The following ERI2 variants were observed in gnomAD, a reference collection of about 807,000 sequenced individuals.
ERI2 encodes ERI1 exoribonuclease 2.
In ERI2, 35 loss-of-function variants were observed where a neutral mutation model predicts 46.8. The ratio of observed to expected loss-of-function variants is 0.75; its 90% CI spans 0.57 to 0.99. The LOEUF is 0.99. Ranked by LOEUF, ERI2 falls within the 50% of genes least tolerant of loss-of-function variation. ERI2 has a pLI of 0.00. For missense variants in ERI2, 695 were observed against 796.2 expected (o/e 0.87, Z 1.53); for synonymous variants, 224 against 271.0 (o/e 0.83, Z 1.70).
intron 7 of ERI2, 39 bp from the exon 8 acceptor site, chr16:20,799,390 T>C (rs1283004182): frequency 1.3e-6 from 2 of 1,577,382 alleles, no homozygotes; most frequent in South Asian, 2.3e-5. Flanking sequence ...TTAGTGGTAC[T>C]AGTACTATTT....
rs749367485 is a variant in ERI2 at position 20,803,445 on chromosome 16, T to G, written c.163A>C (p.Ser55Arg). 3.1e-6 allele frequency: 5 copies of G among 1,613,974 alleles called. No individual in the cohort carries two copies. In the Admixed American group the frequency reaches 8.3e-5, roughly 27 times the overall value. Residue 55 changes from serine (S) to arginine (R), a missense_variant, in exon 3 of 9, where the codon AGC (serine) becomes CGC (arginine). By Grantham distance (110) the Ser-to-Arg change is moderately radical. Coordinates refer to ENST00000357967, the MANE Select transcript of ERI2 (RefSeq NM_001142725.2). ...TCWNDGKHHH[S>R]QEIIEFPAVL... ...AGCCCAGACTTACTTATTTCCTGGC[T>G]ATGGTGGTGCTTCCCATCATTCCAG... is the stretch of plus-strand genomic sequence containing the variant.
At chr16:20,781,744 G>C in intron 10 of ERI2, 1 of 1,613,390 alleles carries the variant, frequency 6.2e-7, no homozygotes, top group Non-Finnish European at 8.5e-7. Flanking sequence ...CTTCTGTTCA[G>C]CACCAACTGT....
At chr16:20,793,319 A>C (rs1462670983), downstream of ERI2, among the ~76,000 whole-genome samples, 2 of 152,060 alleles carry the variant, frequency 1.3e-5, no homozygotes, top group Non-Finnish European at 2.9e-5. Context: ...AAATACAAAA[A>C]TTAGCCAGGC....
At chr16:20,787,379 G>A (rs368479792) in intron 10 of ERI2, among the ~76,000 whole-genome samples, 1 of 152,180 alleles carries the variant, frequency 6.6e-6, no homozygotes, top group Non-Finnish European at 1.5e-5. Flanking sequence ...CCATCTGTAC[G>A]TTAAGAGACA....
rs2080730795 is a variant in ERI2 at position 20,796,715 on chromosome 16, A to C, written c.*1009T>G. 1 of 1,486,252 alleles carries C rather than the reference A, an allele frequency of 6.7e-7. No individual in the cohort carries two copies. 92.1% of individuals were successfully genotyped at this position (1,486,252 alleles called of 1,614,324 possible). On this transcript the variant is annotated 3_prime_UTR_variant, in exon 9 of 9. Transcript: ENST00000357967. ...GGACTCACAGTAAATACTTAATATC[A>C]AGACAACTTTCCTAACAATACCCTT...
At chr16:20,801,086 C>G (rs1378471395) in intron 5 of ERI2, 117 bp downstream of exon 5, 29 of 978,592 alleles carry the variant, frequency 3.0e-5, no homozygotes, top group Non-Finnish European at 3.9e-5. Flanking sequence ...ATTTTTTTTC[C>G]TAGCCCAGAA....
At chr16:20,803,085 T>A (rs1266084398) in intron 3 of ERI2, among the ~76,000 whole-genome samples, 162 bp from the exon 4 acceptor site, 2 of 152,228 alleles carry the variant, frequency 1.3e-5, no homozygotes, top group South Asian at 2.1e-4. Context: ...TATAATAAAG[T>A]TATGCTAAAG....
Position 20,786,171 on chromosome 16 carries a change from C to T in ERI2, c.894+3308G>A, listed in dbSNP as rs1261231413. On this transcript the variant is annotated intron_variant, in intron 10 of 10. Coordinates refer to the ERI2 transcript ENST00000300005. ...TTTCGATGTTAAGGTTTGCACATCC[C>T]CTTCCAGGAGAATGTTTAACAACCC... is the stretch of plus-strand genomic sequence containing the variant. 13 of 1,607,992 alleles carry T rather than the reference C, an allele frequency of 8.1e-6. No homozygotes were observed. The Admixed American group carries it at 2.2e-4, about 27-fold the overall frequency.
chr16:20,780,630 G>T, exon 11 of ERI2: 1 of 1,613,372 alleles, frequency 6.2e-7, no homozygotes. Context: ...AGAGGTTCAA[G>T]TGGAGAGCTT....
downstream of ERI2, among the ~76,000 whole-genome samples, chr16:20,794,308 G>C (rs2080671504): frequency 6.6e-6 from 1 of 152,140 alleles, no homozygotes; most frequent in African/African-American, 2.4e-5. Context: ...TAGATCACTA[G>C]GTTCTTAAAT....
At position 20,797,914 on chromosome 16, in the gene ERI2, T is replaced by C. The variant is rs1043557205; in HGVS notation, c.1886A>G (p.Glu629Gly). Reference sequence around the variant, plus strand: ...GAAATAACCACAACATTTTCTGTTTTCTTGGTATTTCCCGATAGGGCAACA... The same window carrying C: ...GAAATAACCACAACATTTTCTGTTTCCTTGGTATTTCCCGATAGGGCAACA... ...FYCCPIGKYQENRKCCGYFKW... is the reference protein window; with the variant it reads ...FYCCPIGKYQGNRKCCGYFKW... The change falls in exon 9 of 9, where the codon GAA becomes GGA. Residue 629 changes from glutamate to glycine, a missense_variant. Glu to Gly is a moderately conservative substitution (Grantham distance 98, BLOSUM62 -2). Transcript: ENST00000357967. 6.4e-7 allele frequency: 1 copy of C among 1,551,778 alleles called. No homozygotes were observed. Among genetic ancestry groups the C allele is most frequent in the Non-Finnish European group, 8.7e-7 (1 of 1,146,962 alleles).
Position 20,800,335 on chromosome 16 carries a change from TA to T in ERI2, c.527del (p.Leu176Ter), listed in dbSNP as rs1410191736. On this transcript the variant is annotated frameshift_variant, in exon 6 of 9. Coordinates refer to ENST00000357967, the MANE Select transcript of ERI2 (RefSeq NM_001142725.2). LOFTEE classifies it high-confidence loss of function. ...KRKQLLKPVF[L>X]NSWIDLRATY... The stretch of plus-strand genomic sequence containing the variant: ...TTGCTCTGAGATCAATCCAAGAATT[TA>T]AAAACACAGGTTTTAACAGCTGCTT... 1 of 1,610,284 alleles carries T rather than the reference TA, an allele frequency of 6.2e-7. No individual in the cohort carries two copies. The highest frequency in any genetic ancestry group is 8.5e-7 in the Non-Finnish European group (1 of 1,177,860).
rs1317459011 is a variant in ERI2, at chr16:20,806,437, C to T, written c.-7G>A. 1 of 1,553,486 alleles carries T rather than the reference C, an allele frequency of 6.4e-7. No homozygotes were observed. The highest frequency in any genetic ancestry group is 1.9e-5 in the Admixed American group (1 of 51,292). Reference sequence around the variant, plus strand: ...CGAGCCGCTTGGTCGCCATTCCCGACACTCCTTGCTTTTCCAAGTCCAGCT... The same window carrying T: ...CGAGCCGCTTGGTCGCCATTCCCGATACTCCTTGCTTTTCCAAGTCCAGCT... On this transcript the variant is annotated 5_prime_UTR_variant, in exon 1 of 9. Coordinates refer to ENST00000357967, the MANE Select transcript of ERI2 (RefSeq NM_001142725.2).
intron 2 of ERI2, 33 bp downstream of exon 2, chr16:20,803,569 TA>T (rs1396516492): frequency 2.5e-6 from 4 of 1,613,958 alleles, no homozygotes; most frequent in Non-Finnish European, 3.4e-6. Flanking sequence ...AATGCAAGGC[TA>T]CAAAATGCAA....
At chr16:20,791,976 AC>A (rs774016103), downstream of ERI2, 1 of 1,612,198 alleles carries the variant, frequency 6.2e-7, no homozygotes, top group Non-Finnish European at 8.5e-7. Context: ...ATTCACCATA[AC>A]AACAAAATGC....
At chr16:20,781,583 A>G (rs2080353559) in intron 10 of ERI2, 4 of 784,010 alleles carry the variant, frequency 5.1e-6, no homozygotes, top group South Asian at 1.5e-5. Flanking sequence ...TGATTCTACA[A>G]GAAAAGGTAA....
chr16:20,789,516 C>T (rs1475460518), exon 10 of ERI2: 2 of 1,613,818 alleles, frequency 1.2e-6, no homozygotes, highest in Non-Finnish European at 1.7e-6. Context: ...TTCCTGTTTA[C>T]TCATATTGGG....
At chr16:20,801,505 A>G in intron 4 of ERI2, 146 bp from the exon 5 acceptor site, 2 of 821,972 alleles carry the variant, frequency 2.4e-6, no homozygotes, top group East Asian at 5.8e-5. Context: ...GGAAGACATA[A>G]CAAAGTGGTT....
At chr16:20,794,441 A>G (rs187989283), downstream of ERI2, among the ~76,000 whole-genome samples, 2 of 152,324 alleles carry the variant, frequency 1.3e-5, no homozygotes, top group Admixed American at 1.3e-4. Flanking sequence ...ATGGCTATCA[A>G]TCACTTGAAA....
Sources: allele counts gnomAD v4.1 joint callset (sites outside exome capture counted in the v4.1 genomes callset), GRCh38; gene constraint gnomAD v4.1.1; transcripts MANE v1.5; gene names NCBI Gene and HGNC (gene_info 2026-07-23, HGNC 2026-07-21).